Variants in MADCAM1 observed in about 807,000 individuals in gnomAD.
MADCAM1 encodes the protein mucosal addressin cell adhesion molecule 1.
In MADCAM1, 19 loss-of-function variants were observed where a neutral mutation model predicts 26.1. The ratio of observed to expected loss-of-function variants is 0.73; its 90% confidence interval spans 0.51 to 1.07. MADCAM1 has a LOEUF of 1.07. Among genes scored for constraint, MADCAM1 ranks in the 50% least tolerant of loss-of-function variants. The pLI, the probability that MADCAM1 is intolerant of heterozygous loss-of-function variation, is 0.00. For missense variants in MADCAM1, 514 were observed against 542.1 expected (o/e 0.95, Z 0.51); for synonymous variants, 268 against 260.9 (o/e 1.03, Z -0.26).
intron 3 of MADCAM1, among the ~76,000 whole-genome samples, chr19:500,731 G>A (rs531612635): frequency 6.6e-6 from 1 of 152,128 alleles, no homozygotes; most frequent in African/African-American, 2.4e-5. Flanking sequence ...TTAGCCTGGC[G>A]TGGTGGTGAG....
Position 497,819 on chromosome 19 carries a change from C to T in MADCAM1, c.53-14C>T, listed in dbSNP as rs1249811571. 3 of 1,269,816 alleles carry T rather than the reference C, an allele frequency of 2.4e-6. No individual in the cohort carries two copies. The highest frequency in any genetic ancestry group is 4.3e-5 in the Admixed American group (1 of 23,498). The allele number at this position is 1,269,816 out of a possible 1,614,324, so 78.7% of individuals were successfully genotyped here. A position where few individuals can be genotyped will look rare whatever the true frequency, so the allele number is the denominator to read the frequency against. On this transcript the variant is annotated splice_polypyrimidine_tract_variant and intron_variant, in intron 1 of 4. Transcript: ENST00000215637. The stretch of plus-strand genomic sequence containing the variant: ...GGACTCCGCGGGGCTGAGCGAGAGC[C>T]GCGGTCGCCGCAGGCCAGTCCCTCC...
At chr19:498,173 C>G in intron 2 of MADCAM1, 56 bp downstream of exon 2, 2 of 1,294,026 alleles carry the variant, frequency 1.5e-6, no homozygotes, top group Non-Finnish European at 2.0e-6. Flanking sequence ...GGCTCCTTCC[C>G]TATGCCACCT....
chr19:502,678 C>A (rs1223421361), intron 4 of MADCAM1, among the ~76,000 whole-genome samples: 1 of 152,198 alleles, frequency 6.6e-6, no homozygotes, highest in East Asian at 1.9e-4. Flanking sequence ...ATTCTCTCAG[C>A]AAGGCCACTT....
chr19:501,868 G>A lies in MADCAM1; in HGVS notation c.867G>A (p.Arg289=). Residue 289 remains arginine (R), a synonymous_variant, in exon 4 of 5, where the codon AGG becomes AGA. Transcript: ENST00000215637. ...CCCCCAGGAGCCCAGGCTCCACCAG[G>A]ACTCGCCGCCCTGAGATCTCCCAGG... ...THTPRSPGST[R]TRRPEISQAG... 6.5e-7 allele frequency: 1 copy of A among 1,541,920 alleles called. No individual in the cohort carries two copies. The highest frequency in any genetic ancestry group is 8.7e-7 in the Non-Finnish European group (1 of 1,142,924).
intron 2 of MADCAM1, 57 bp from the exon 3 acceptor site, chr19:498,438 TC>T: frequency 7.1e-7 from 1 of 1,410,598 alleles, no homozygotes; most frequent in East Asian, 2.8e-5. Context: ...CTCCGGCCCC[TC>T]CATCACGTCC....
intron 3 of MADCAM1, chr19:499,824 C>T (rs758536087): frequency 2.2e-6 from 1 of 456,346 alleles, no homozygotes; most frequent in Non-Finnish European, 4.4e-6. Context: ...TCCCTTCACG[C>T]TCTGTCCAAT....
Position 501,841 on chromosome 19 carries a change from C to T in MADCAM1, c.840C>T (p.His280=), listed in dbSNP as rs1978360265. The T allele has an allele frequency of 1.9e-6, 3 of 1,557,722 alleles. No individual in the cohort carries two copies. The highest frequency in any genetic ancestry group is 3.9e-5 in the Admixed American group (2 of 51,706). ...CCGCCCCCCAGCAGGGCTCCACACACACCCCCAGGAGCCCAGGCTCCACCA... is the reference window on the plus strand; with the variant it reads ...CCGCCCCCCAGCAGGGCTCCACACATACCCCCAGGAGCCCAGGCTCCACCA... ...PEPAPQQGST[H]TPRSPGSTRT... is the part of the protein sequence containing the mutation. The change falls in exon 4 of 5, where the codon CAC becomes CAT. Residue 280 remains histidine, a synonymous_variant. Coordinates refer to ENST00000215637, the MANE Select transcript of MADCAM1 (RefSeq NM_130760.3).
intron 3 of MADCAM1, chr19:500,032 G>C (rs1293258072): frequency 2.2e-6 from 1 of 454,446 alleles, no homozygotes. Flanking sequence ...GGCTGGATTT[G>C]AGGGATATTT....
rs776097995 is a variant in MADCAM1, at chr19:498,570, A to C, written c.412A>C (p.Lys138Gln). 2 of 1,481,406 alleles carry C rather than the reference A, an allele frequency of 1.4e-6. No individual in the cohort carries two copies. The highest frequency in any genetic ancestry group is 2.9e-5 in the South Asian group (2 of 69,914). The allele number at this position is 1,481,406 out of a possible 1,614,324, so 91.8% of individuals were successfully genotyped here. A position where few individuals can be genotyped will look rare whatever the true frequency, so the allele number is the denominator to read the frequency against. ...CCCGGAGGTGGCCTGTACGGCCCAC[A>C]AAGTCACGCCCGTGGACCCCAACGC... is the stretch of plus-strand genomic sequence containing the variant. ...GDPEVACTAH[K>Q]VTPVDPNALS... The change falls in exon 3 of 5, where the codon AAA (lysine) becomes CAA (glutamine). Residue 138 changes from lysine (K) to glutamine (Q), a missense_variant. This residue lies in a region of MADCAM1 where 317 missense variants were observed against 313.6 expected (regional missense o/e 1.01). Transcript: ENST00000215637.
intron 3 of MADCAM1, chr19:499,430 A>G (rs1978306633): frequency 2.6e-6 from 1 of 378,996 alleles, no homozygotes; most frequent in Admixed American, 2.8e-5. Flanking sequence ...ACACAGACAC[A>G]CACACGCGTG....
intron 3 of MADCAM1, among the ~76,000 whole-genome samples, chr19:500,957 C>T (rs915728048): frequency 3.3e-5 from 5 of 151,896 alleles, no homozygotes; most frequent in Non-Finnish European, 7.4e-5. Flanking sequence ...GAGGCTGAGG[C>T]GGGAGGATCA....
At chr19:499,197 C>G (rs150681603) in intron 3 of MADCAM1, 7 of 497,802 alleles carry the variant, frequency 1.4e-5, no homozygotes, top group Middle Eastern at 3.0e-4. Context: ...CTCGCTGTTC[C>G]TCCAACACAC....
intron 4 of MADCAM1, among the ~76,000 whole-genome samples, chr19:503,684 T>C (rs1054782944): frequency 6.6e-6 from 1 of 151,792 alleles, no homozygotes; most frequent in African/African-American, 2.4e-5. Flanking sequence ...GAGGATCACT[T>C]GAGCCCAGGA....
chr19:499,981 G>A (rs1978311690), intron 3 of MADCAM1: 1 of 447,080 alleles, frequency 2.2e-6, no homozygotes, highest in Admixed American at 2.4e-5. Flanking sequence ...AGACCCGGGA[G>A]GTCTTTGTGG....
chr19:500,025 T>G, intron 3 of MADCAM1: 1 of 453,968 alleles, frequency 2.2e-6, no homozygotes, highest in South Asian at 1.6e-5. Context: ...GAGAGGAGGC[T>G]GGATTTGAGG....
At chr19:497,032 T>A (rs868425575) in intron 1 of MADCAM1, among the ~76,000 whole-genome samples, 2 of 590 alleles carry the variant, frequency 3.4e-3, no homozygotes, top group African/African-American at 0.018. Flanking sequence ...CTCAGTAGAG[T>A]GGGGGGGCTC....
intron 3 of MADCAM1, chr19:499,340 T>A (rs1313416684): frequency 6.6e-6 from 3 of 457,064 alleles, no homozygotes; most frequent in South Asian, 4.6e-5. Flanking sequence ...CCGTGAGGCT[T>A]CCCTGGATTC....
rs905058699 is a variant in MADCAM1, at chr19:498,129, C to T, written c.337+12C>T. ...GCTCCTTGTGTACGGTGAGGCGTCCCCCCGCGCCCTGCCTCTCTGACCCTT... is the reference window on the plus strand; with the variant it reads ...GCTCCTTGTGTACGGTGAGGCGTCCTCCCGCGCCCTGCCTCTCTGACCCTT... On this transcript the variant is annotated intron_variant, in intron 2 of 4. Transcript: ENST00000215637. 3 of 1,313,974 alleles carry T rather than the reference C, an allele frequency of 2.3e-6. No individual in the cohort carries two copies. The highest frequency in any genetic ancestry group is 3.1e-5 in the African/African-American group (2 of 65,030). The allele number at this position is 1,313,974 out of a possible 1,614,324, so 81.4% of individuals were successfully genotyped here. A position where few individuals can be genotyped will look rare whatever the true frequency, so the allele number is the denominator to read the frequency against.
At chr19:504,151 G>T (rs1316577135) in intron 4 of MADCAM1, among the ~76,000 whole-genome samples, 1 of 151,866 alleles carries the variant, frequency 6.6e-6, no homozygotes, top group Non-Finnish European at 1.5e-5. Context: ...TAGTATGAAG[G>T]AGATATATTA....
Sources: allele counts gnomAD v4.1 joint callset (sites outside exome capture counted in the v4.1 genomes callset), GRCh38; gene constraint gnomAD v4.1.1; regional missense constraint gnomAD v4.1.1; transcripts MANE v1.5; gene names NCBI Gene and HGNC (gene_info 2026-07-23, HGNC 2026-07-21).